EBF1: variants seen among roughly 807,000 people sequenced by gnomAD.
The protein encoded by EBF1 is transcription factor COE1.
EBF1 carries 10 observed loss-of-function variants against 68.4 expected under a neutral mutation model. That is an observed-to-expected ratio of 0.15 (90% CI 0.09 to 0.25). The LOEUF (loss-of-function observed/expected upper bound fraction) is 0.25, where lower values mean the gene tolerates loss of function less well. EBF1 is among the 10% of genes least tolerant of loss of function. The probability of loss-of-function intolerance (pLI) is 1.00; values close to 1 mark genes in which losing one functional copy is unlikely to be tolerated. For missense variants in EBF1, 509 were observed against 794.4 expected, an observed-to-expected ratio of 0.64 and a Z score of 4.32; for synonymous variants, 298 against 299.8, an observed-to-expected ratio of 0.99 and a Z score of 0.06.
At chr5:158,764,814 T>C (rs1348378020) in intron 10 of EBF1, among the ~76,000 whole-genome samples, 1 of 152,106 alleles carries the variant, frequency 6.6e-6, no homozygotes, top group Non-Finnish European at 1.5e-5. Context: ...TATTGAAAGG[T>C]ATAATCAACT....
chr5:158,862,461 C>T (rs1795124541), intron 6 of EBF1, among the ~76,000 whole-genome samples: 1 of 152,100 alleles, frequency 6.6e-6, no homozygotes, highest in East Asian at 1.9e-4. Flanking sequence ...CATTGAAACC[C>T]ATGACAGTGT....
intron 6 of EBF1, among the ~76,000 whole-genome samples, chr5:158,912,192 G>A (rs1389392621): frequency 6.6e-6 from 1 of 152,186 alleles, no homozygotes; most frequent in Non-Finnish European, 1.5e-5. Context: ...GATCCTCCTG[G>A]TGGACACAAA....
intron 6 of EBF1, among the ~76,000 whole-genome samples, chr5:159,055,439 T>C (rs1379105778): frequency 1.3e-5 from 2 of 152,180 alleles, no homozygotes; most frequent in African/African-American, 4.8e-5. Flanking sequence ...AGGTCTCCTG[T>C]GTCCCAGTTC....
intron 10 of EBF1, among the ~76,000 whole-genome samples, chr5:158,771,921 CG>C (rs1385225349): frequency 6.6e-6 from 1 of 152,220 alleles, no homozygotes; most frequent in Admixed American, 6.5e-5. Context: ...TATACCACAG[CG>C]GTCAGAGAAC....
intron 6 of EBF1, among the ~76,000 whole-genome samples, chr5:158,938,436 T>C (rs1045814308): frequency 1.3e-5 from 2 of 152,244 alleles, no homozygotes; most frequent in African/African-American, 4.8e-5. Context: ...AGCTGTTCCC[T>C]CTGTCCCAAA....
intron 6 of EBF1, among the ~76,000 whole-genome samples, chr5:158,961,171 C>T (rs1419362012): frequency 1.3e-5 from 2 of 152,106 alleles, no homozygotes; most frequent in African/African-American, 4.8e-5. Context: ...AAATGAGGTC[C>T]TTTGAGGACG....
At chr5:159,023,007 T>G (rs1277445677) in intron 6 of EBF1, among the ~76,000 whole-genome samples, 2 of 152,174 alleles carry the variant, frequency 1.3e-5, no homozygotes, top group African/African-American at 4.8e-5. Context: ...GGCCCTGAAT[T>G]GAGACCTTGC....
At chr5:158,869,587 AC>A (rs1333079169) in intron 6 of EBF1, among the ~76,000 whole-genome samples, 4 of 59,010 alleles carry the variant, frequency 6.8e-5, no homozygotes, top group Non-Finnish European at 1.6e-4. Flanking sequence ...AAACACACAC[AC>A]ACACACACAC....
At chr5:159,016,559 A>G (rs980384651) in intron 6 of EBF1, among the ~76,000 whole-genome samples, 1 of 152,216 alleles carries the variant, frequency 6.6e-6, no homozygotes, top group Non-Finnish European at 1.5e-5. Flanking sequence ...TAAGATTTTA[A>G]GCAAAATGAC....
At chr5:158,980,287 C>A (rs1057483067) in intron 6 of EBF1, among the ~76,000 whole-genome samples, 2 of 152,210 alleles carry the variant, frequency 1.3e-5, no homozygotes, top group Non-Finnish European at 2.9e-5. Flanking sequence ...AGAGACTTCT[C>A]CAGCTTTGTT....
intron 6 of EBF1, among the ~76,000 whole-genome samples, chr5:159,071,088 C>A (rs1312903543): frequency 3.9e-5 from 6 of 152,160 alleles, no homozygotes; most frequent in Admixed American, 6.5e-5. Flanking sequence ...CATATCAGCA[C>A]AGACAGGACT....
intron 6 of EBF1, chr5:158,941,293 C>A (rs1476846637): frequency 4.4e-6 from 2 of 454,810 alleles, no homozygotes; most frequent in Non-Finnish European, 8.8e-6. Flanking sequence ...GGAACACGTA[C>A]AAATACAGCA....
chr5:159,029,737 T>C lies in EBF1; in HGVS notation c.554+43659A>G, dbSNP rs532778794. ...TGGAAGCCCAAGGCGGGTGGATCAC[T>C]TGAGGTCAGGAATTCGAGACCAGCC... is the stretch of plus-strand genomic sequence containing the variant. On this transcript the variant is annotated intron_variant, in intron 6 of 15. Transcript: ENST00000313708. Among the ~76,000 whole-genome samples the C allele has an allele frequency of 2.7e-4, 41 of 152,224 alleles. 1 individual carries two copies. The South Asian group carries it at 8.5e-3, about 32-fold the overall frequency.
At chr5:158,995,815 G>A (rs1002049107) in intron 6 of EBF1, among the ~76,000 whole-genome samples, 1 of 152,174 alleles carries the variant, frequency 6.6e-6, no homozygotes, top group Non-Finnish European at 1.5e-5. Context: ...CCTATGGGGA[G>A]GGTGGCCCTT....
rs759779478 is a variant in EBF1 at position 158,751,088 on chromosome 5, A to G, written c.1037-19931T>C. On this transcript the variant is annotated intron_variant, in intron 10 of 15. Coordinates refer to ENST00000313708, the MANE Select transcript of EBF1 (RefSeq NM_024007.5). The stretch of plus-strand genomic sequence containing the variant: ...TGTGTGTAAACACATATACAGTATA[A>G]CCACAAATACGAAGAAAATGTTCAT... 3.9e-5 allele frequency among the ~76,000 whole-genome samples: 6 copies of G among 152,296 alleles called. No homozygotes were observed. The South Asian group carries it at 1.2e-3, about 32-fold the overall frequency.
intron 6 of EBF1, among the ~76,000 whole-genome samples, chr5:159,006,881 C>G (rs1041035829): frequency 1.3e-5 from 2 of 152,072 alleles, no homozygotes; most frequent in Non-Finnish European, 2.9e-5. Context: ...CCTTATGAAG[C>G]TGTAGAAATG....
chr5:158,818,581 C>T (rs1784205668), intron 8 of EBF1, among the ~76,000 whole-genome samples: 1 of 152,210 alleles, frequency 6.6e-6, no homozygotes, highest in Admixed American at 6.5e-5. Context: ...GTGAGTCTAT[C>T]ATCAGTATTT....
chr5:158,715,116 T>C (rs907245225), intron 11 of EBF1, among the ~76,000 whole-genome samples: 3 of 152,198 alleles, frequency 2.0e-5, no homozygotes, highest in African/African-American at 7.2e-5. Context: ...AAGTTAAGCT[T>C]GATGCATGTA....
At chr5:158,860,367 C>T (rs150675218) in intron 6 of EBF1, among the ~76,000 whole-genome samples, 12 of 152,270 alleles carry the variant, frequency 7.9e-5, no homozygotes, top group East Asian at 1.9e-4. Context: ...TTCTTGTTCA[C>T]GACACTATTT....
Sources: allele counts gnomAD v4.1 joint callset (sites outside exome capture counted in the v4.1 genomes callset), GRCh38; gene constraint gnomAD v4.1.1; transcripts MANE v1.5; gene names NCBI Gene and HGNC (gene_info 2026-07-23, HGNC 2026-07-21).